The following DPP10 variants were observed in gnomAD, a reference collection of about 807,000 sequenced individuals.
The protein encoded by DPP10 is dipeptidyl peptidase like 10.
DPP10 carries 33 observed loss-of-function variants against 120.9 expected under a neutral mutation model. That is an observed-to-expected ratio of 0.27 (90% CI 0.21 to 0.37). The LOEUF (loss-of-function observed/expected upper bound fraction) is 0.37. DPP10 is among the 10% of genes least tolerant of loss of function. DPP10 has a pLI of 1.00. For synonymous variants in DPP10, 337 were observed against 326.1 expected (o/e 1.03, Z -0.36); for missense variants, 816 against 942.8 (o/e 0.87, Z 1.76).
At chr2:114,878,092 C>T (rs974767008) in intron 1 of DPP10, among the ~76,000 whole-genome samples, 1 of 151,844 alleles carries the variant, frequency 6.6e-6, no homozygotes, top group African/African-American at 2.4e-5. Context: ...AAATAAAAGC[C>T]CTTAAGAAAT....
At chr2:115,515,291 T>C (rs1293992392) in intron 4 of DPP10, among the ~76,000 whole-genome samples, 2 of 152,046 alleles carry the variant, frequency 1.3e-5, no homozygotes, top group Non-Finnish European at 1.5e-5. Context: ...TATTAGATAA[T>C]ATCAAATTTC....
chr2:114,509,472 A>G (rs374882012), intron 1 of DPP10, among the ~76,000 whole-genome samples: 87 of 152,312 alleles, frequency 5.7e-4, no homozygotes, highest in African/African-American at 2.0e-3. Context: ...ATAAGGTTAC[A>G]TGTTTGGAGG....
At chr2:115,114,028 C>T (rs754382137) in intron 1 of DPP10, among the ~76,000 whole-genome samples, 5 of 152,166 alleles carry the variant, frequency 3.3e-5, no homozygotes, top group South Asian at 2.1e-4. Context: ...TGTTGTAACC[C>T]GAAACCAGTT....
chr2:114,803,354 A>G lies in DPP10; in HGVS notation c.60+360516A>G. Among the ~76,000 whole-genome samples, 2 of 152,208 alleles carry G rather than the reference A, an allele frequency of 1.3e-5. 1 individual carries two copies. Among genetic ancestry groups the G allele is most frequent in the East Asian group, 3.8e-4 (2 of 5,196 alleles). On this transcript the variant is annotated intron_variant, in intron 1 of 25. Coordinates refer to ENST00000410059, the MANE Select transcript of DPP10 (RefSeq NM_020868.6). ...ACTAATACAGTAAACTGGTAACAGT[A>G]GAGTGGGGCATTGCTTAAAAGATAC...
At chr2:114,721,929 C>G (rs1009551292) in intron 1 of DPP10, among the ~76,000 whole-genome samples, 2 of 152,192 alleles carry the variant, frequency 1.3e-5, no homozygotes, top group Non-Finnish European at 2.9e-5. Context: ...TAAACTTCAG[C>G]TCTCTTCTTT....
chr2:115,371,985 G>T (rs74609024), intron 3 of DPP10, among the ~76,000 whole-genome samples: 3 of 152,108 alleles, frequency 2.0e-5, no homozygotes, highest in Non-Finnish European at 4.4e-5. Context: ...TCCCCTTACA[G>T]TTCTAACAGG....
rs181338483 is a variant in DPP10 at position 114,519,466 on chromosome 2, G to A, written c.60+76628G>A. Among the ~76,000 whole-genome samples the A allele has an allele frequency of 1.2e-3, 187 of 152,256 alleles. 1 individual carries two copies. Among genetic ancestry groups the A allele is most frequent in the African/African-American group, 4.0e-3 (167 of 41,540 alleles). Reference sequence around the variant, plus strand: ...TGATCTAAAAAGGCAATTGGGTTCCGAGGTCTGAGATACCCAATGATATTC... The same window carrying A: ...TGATCTAAAAAGGCAATTGGGTTCCAAGGTCTGAGATACCCAATGATATTC... On this transcript the variant is annotated intron_variant, in intron 1 of 25. Coordinates refer to ENST00000410059, the MANE Select transcript of DPP10 (RefSeq NM_020868.6).
intron 3 of DPP10, among the ~76,000 whole-genome samples, chr2:115,435,154 A>G (rs941464731): frequency 6.6e-6 from 1 of 151,800 alleles, no homozygotes; most frequent in African/African-American, 2.4e-5. Context: ...CTAAGAGTGC[A>G]GATATCTCTT....
intron 1 of DPP10, among the ~76,000 whole-genome samples, chr2:114,473,689 A>G (rs1680126204): frequency 6.6e-6 from 1 of 152,208 alleles, no homozygotes; most frequent in South Asian, 2.1e-4. Flanking sequence ...ACATAAGGTA[A>G]ACACGTGCAA....
chr2:115,352,997 C>A (rs952418512), intron 3 of DPP10, among the ~76,000 whole-genome samples: 3 of 151,344 alleles, frequency 2.0e-5, no homozygotes, highest in Admixed American at 2.0e-4. Context: ...TATACATGTA[C>A]CACTGACATG....
At chr2:114,660,384 T>C (rs1697309776) in intron 1 of DPP10, among the ~76,000 whole-genome samples, 1 of 152,188 alleles carries the variant, frequency 6.6e-6, no homozygotes, top group Non-Finnish European at 1.5e-5. Flanking sequence ...CCCTGTGTCT[T>C]ACCAAAAATC....
intron 5 of DPP10, among the ~76,000 whole-genome samples, chr2:115,662,719 A>G (rs967110159): frequency 6.6e-6 from 1 of 152,140 alleles, no homozygotes; most frequent in African/African-American, 2.4e-5. Context: ...ATCTTTTTTA[A>G]TACACTCCCT....
intron 5 of DPP10, among the ~76,000 whole-genome samples, chr2:115,534,298 C>G (rs1484952250): frequency 2.6e-5 from 4 of 151,868 alleles, no homozygotes; most frequent in African/African-American, 9.7e-5. Flanking sequence ...GTGTGATGTT[C>G]CCCTTCCTGT....
chr2:114,858,765 T>C (rs938769962), intron 1 of DPP10, among the ~76,000 whole-genome samples: 1 of 152,168 alleles, frequency 6.6e-6, no homozygotes, highest in African/African-American at 2.4e-5. Flanking sequence ...ACTTTATCAC[T>C]ATTCTTATTT....
At chr2:115,602,100 C>T (rs2083364304) in intron 5 of DPP10, among the ~76,000 whole-genome samples, 1 of 152,160 alleles carries the variant, frequency 6.6e-6, no homozygotes, top group Admixed American at 6.5e-5. Context: ...TGGACATTTT[C>T]ATGAATAAAA....
intron 1 of DPP10, among the ~76,000 whole-genome samples, chr2:114,704,881 T>A (rs1043381838): frequency 6.6e-6 from 1 of 152,086 alleles, no homozygotes; most frequent in African/African-American, 2.4e-5. Context: ...CCTAACTCTA[T>A]AGACTGGTGT....
chr2:115,095,280 A>T (rs1709619022), intron 1 of DPP10, among the ~76,000 whole-genome samples: 1 of 152,210 alleles, frequency 6.6e-6, no homozygotes, highest in Admixed American at 6.5e-5. Flanking sequence ...TCTTTGGAAG[A>T]AAAAAGTTAG....
rs150599037 is a variant in DPP10, at chr2:115,823,208, G to A, written c.1950+7479G>A. On this transcript the variant is annotated intron_variant, in intron 21 of 25. Coordinates refer to ENST00000410059, the MANE Select transcript of DPP10 (RefSeq NM_020868.6). ...GGAATTTTATCTATGGGGATTCTTT[G>A]ATGCTTTTGTTGCATTTGTATTTAT... Among the ~76,000 whole-genome samples the A allele has an allele frequency of 4.6e-5, 7 of 152,082 alleles. No individual in the cohort carries two copies. The East Asian group carries it at 1.4e-3, about 29-fold the overall frequency.
chr2:115,520,408 T>C (rs1273910657), intron 4 of DPP10, among the ~76,000 whole-genome samples: 1 of 152,126 alleles, frequency 6.6e-6, no homozygotes, highest in African/African-American at 2.4e-5. Flanking sequence ...GAAAATATCA[T>C]AGGATCCAAG....
Sources: allele counts gnomAD v4.1 joint callset (sites outside exome capture counted in the v4.1 genomes callset), GRCh38; gene constraint gnomAD v4.1.1; transcripts MANE v1.5; gene names NCBI Gene and HGNC (gene_info 2026-07-23, HGNC 2026-07-21).